The following GALNT10 variants were observed in gnomAD, a reference collection of about 807,000 sequenced individuals.
GALNT10 encodes polypeptide N-acetylgalactosaminyltransferase 10, also known as GalNAc transferase 10.
GALNT10 carries 41 observed loss-of-function variants against 75.0 expected under a neutral mutation model. That is an observed-to-expected ratio of 0.55 (90% CI 0.43 to 0.71). The LOEUF is 0.71. Among genes scored for constraint, GALNT10 ranks in the 30% least tolerant of loss-of-function variants. The pLI is 0.00. For synonymous variants in GALNT10, 302 were observed against 313.0 expected (o/e 0.96, Z 0.37); for missense variants, 727 against 818.5 (o/e 0.89, Z 1.36).
At chr5:154,393,822 G>A (rs1755957501) in intron 7 of GALNT10, among the ~76,000 whole-genome samples, 1 of 152,082 alleles carries the variant, frequency 6.6e-6, no homozygotes, top group Non-Finnish European at 1.5e-5. Context: ...CAGCCTGGGT[G>A]ATAGAGTGAG....
intron 4 of GALNT10, among the ~76,000 whole-genome samples, chr5:154,358,419 TTA>T (rs1485941030): frequency 1.3e-5 from 2 of 152,292 alleles, no homozygotes; most frequent in Non-Finnish European, 2.9e-5. Flanking sequence ...TGTTATCACC[TTA>T]TATCATCCTA....
At chr5:154,302,435 G>A (rs1245859353) in intron 3 of GALNT10, among the ~76,000 whole-genome samples, 6 of 152,212 alleles carry the variant, frequency 3.9e-5, no homozygotes, top group Non-Finnish European at 7.3e-5. Context: ...TGGCTGGCTG[G>A]TGGGCTGGCC....
At chr5:154,265,222 T>C (rs1197297088) in intron 1 of GALNT10, among the ~76,000 whole-genome samples, 6 of 152,136 alleles carry the variant, frequency 3.9e-5, no homozygotes, top group Non-Finnish European at 8.8e-5. Context: ...CCCCAGACAA[T>C]CAGCAGGGTG....
intron 4 of GALNT10, among the ~76,000 whole-genome samples, chr5:154,372,730 C>A (rs1036217937): frequency 6.6e-6 from 1 of 152,094 alleles, no homozygotes; most frequent in Admixed American, 6.5e-5. Context: ...CGAGGTCCGA[C>A]ACATGGACCT....
At chr5:154,267,188 G>A (rs1352016733) in intron 1 of GALNT10, among the ~76,000 whole-genome samples, 3 of 152,154 alleles carry the variant, frequency 2.0e-5, no homozygotes, top group South Asian at 4.1e-4. Context: ...AAATCATGGC[G>A]TGGTAAGTAC....
chr5:154,256,589 A>T (rs1561642564), intron 1 of GALNT10, among the ~76,000 whole-genome samples: 1 of 152,150 alleles, frequency 6.6e-6, no homozygotes, highest in Non-Finnish European at 1.5e-5. Context: ...CATAAGATGA[A>T]TACAATTGTG....
At chr5:154,275,263 A>G (rs1055587451) in intron 1 of GALNT10, among the ~76,000 whole-genome samples, 20 of 152,262 alleles carry the variant, frequency 1.3e-4, no homozygotes, top group African/African-American at 4.3e-4. Flanking sequence ...TTTTATAGCA[A>G]TGCCTCTCAA....
At chr5:154,268,241 AAAT>A (rs532334267) in intron 1 of GALNT10, among the ~76,000 whole-genome samples, 5 of 152,204 alleles carry the variant, frequency 3.3e-5, no homozygotes, top group Admixed American at 6.5e-5. Context: ...ACGTCATTTC[AAAT>A]ATTGGGCACA....
chr5:154,198,359 T>C (rs6580058), intron 1 of GALNT10, among the ~76,000 whole-genome samples: 146,255 of 152,326 alleles, frequency 0.96, 70,254 homozygotes, highest in African/African-American at 0.99. Flanking sequence ...AACAAGTGCT[T>C]GGTAAACATG....
chr5:154,410,377 C>CA (rs58402180), intron 9 of GALNT10, among the ~76,000 whole-genome samples: 2,323 of 86,868 alleles, frequency 0.027, 34 homozygotes, highest in African/African-American at 0.049. Context: ...CCTGTCTCTA[C>CA]AAAAAAAAAA....
At chr5:154,331,226 G>A (rs1754859051) in intron 4 of GALNT10, among the ~76,000 whole-genome samples, 1 of 152,092 alleles carries the variant, frequency 6.6e-6, no homozygotes. Context: ...ATGAACCAGA[G>A]CCTGGTTCTC....
chr5:154,332,787 G>A (rs1581978145), intron 4 of GALNT10, among the ~76,000 whole-genome samples: 1 of 152,136 alleles, frequency 6.6e-6, no homozygotes, highest in Non-Finnish European at 1.5e-5. Context: ...ACTGGTGCTG[G>A]CCCGCATCTG....
At chr5:154,286,840 A>G (rs139974981) in intron 1 of GALNT10, among the ~76,000 whole-genome samples, 196 of 152,340 alleles carry the variant, frequency 1.3e-3, no homozygotes, top group African/African-American at 4.7e-3. Context: ...TGGGCCCAGC[A>G]GACATAGACT....
At chr5:154,343,068 A>G (rs1399995833) in intron 4 of GALNT10, among the ~76,000 whole-genome samples, 1 of 151,908 alleles carries the variant, frequency 6.6e-6, no homozygotes, top group Non-Finnish European at 1.5e-5. Flanking sequence ...TGGTGTGCAT[A>G]AGAATCACCT....
intron 1 of GALNT10, among the ~76,000 whole-genome samples, chr5:154,263,870 C>T (rs1435205183): frequency 1.3e-5 from 2 of 152,126 alleles, no homozygotes; most frequent in African/African-American, 4.8e-5. Flanking sequence ...CACCATAGCA[C>T]TCATAATGGG....
At chr5:154,359,551 A>AAAAAG (rs1554100221) in intron 4 of GALNT10, among the ~76,000 whole-genome samples, 1 of 150,250 alleles carries the variant, frequency 6.7e-6, no homozygotes, top group African/African-American at 2.4e-5. Context: ...AAAAAAAAAA[A>AAAAAG]AGAGAGAGAG....
chr5:154,279,888 A>G (rs1754013779), intron 1 of GALNT10, among the ~76,000 whole-genome samples: 1 of 152,234 alleles, frequency 6.6e-6, no homozygotes, highest in Non-Finnish European at 1.5e-5. Context: ...AGCTAAAAAT[A>G]GAACTGCCAT....
At chr5:154,229,455 G>A (rs1374756843) in intron 1 of GALNT10, among the ~76,000 whole-genome samples, 3 of 152,184 alleles carry the variant, frequency 2.0e-5, no homozygotes, top group African/African-American at 4.8e-5. Context: ...CCTGCCGGAC[G>A]TGGTGGCTCA....
At chr5:154,382,122 G>A (rs1755743476) in intron 6 of GALNT10, among the ~76,000 whole-genome samples, 1 of 152,228 alleles carries the variant, frequency 6.6e-6, no homozygotes, top group South Asian at 2.1e-4. Context: ...ACTGTTGGAA[G>A]CTCAGCCATC....
Sources: gnomAD v4.1 joint callset for allele counts (sites outside exome capture counted in the v4.1 genomes callset) on GRCh38, gnomAD v4.1.1 for gene constraint, MANE v1.5 for transcripts, NCBI Gene and HGNC (gene_info 2026-07-23, HGNC 2026-07-21) for gene names.